Variants in SIPA1L3 observed in about 807,000 individuals in gnomAD.
The protein encoded by SIPA1L3 is signal-induced proliferation-associated 1-like protein 3.
SIPA1L3 carries 59 observed loss-of-function variants against 150.1 expected under a neutral mutation model. The ratio of observed to expected loss-of-function variants is 0.39; its 90% CI spans 0.32 to 0.49. The LOEUF (loss-of-function observed/expected upper bound fraction) is 0.49, where lower values mean the gene tolerates loss of function less well. SIPA1L3 is among the 20% of genes least tolerant of loss of function. The pLI, the probability that SIPA1L3 is intolerant of heterozygous loss-of-function variation, is 0.86. For missense variants in SIPA1L3, 2,211 were observed against 2,489.5 expected (o/e 0.89, Z 2.38); for synonymous variants, 1,070 against 1,077.6 (o/e 0.99, Z 0.14).
At chr19:37,950,142 C>T (rs2046750305) in intron 1 of SIPA1L3, among the ~76,000 whole-genome samples, 1 of 150,144 alleles carries the variant, frequency 6.7e-6, no homozygotes, top group Non-Finnish European at 1.5e-5. Flanking sequence ...CTGCCACTTG[C>T]TAGCTGTGTG....
intron 4 of SIPA1L3, among the ~76,000 whole-genome samples, chr19:38,099,194 C>A (rs778343045): frequency 7.2e-5 from 11 of 152,094 alleles, no homozygotes; most frequent in South Asian, 2.1e-4. Context: ...TGCCACCATG[C>A]CTGGCTAATT....
chr19:37,913,475 A>G (rs1385474517), intron 1 of SIPA1L3, among the ~76,000 whole-genome samples: 2 of 152,106 alleles, frequency 1.3e-5, no homozygotes. Flanking sequence ...AGCTCACTGC[A>G]ACCACTGCCT....
At chr19:38,079,846 G>A (rs866742838) in intron 2 of SIPA1L3, among the ~76,000 whole-genome samples, 1 of 152,108 alleles carries the variant, frequency 6.6e-6, no homozygotes, top group African/African-American at 2.4e-5. Flanking sequence ...GTGAGCCACC[G>A]TGCCCAGCCG....
chr19:38,140,397 CT>C (rs200086221), intron 10 of SIPA1L3, among the ~76,000 whole-genome samples: 29,212 of 146,870 alleles, frequency 0.2, 2,874 homozygotes, highest in South Asian at 0.25. Flanking sequence ...GATTTCATGG[CT>C]TTTTTTTTTT....
intron 2 of SIPA1L3, among the ~76,000 whole-genome samples, chr19:38,050,777 C>T (rs537589473): frequency 1.1e-3 from 168 of 151,352 alleles, no homozygotes; most frequent in African/African-American, 3.9e-3. Context: ...ATGATGTGTG[C>T]GCTGGGCATG....
intron 4 of SIPA1L3, among the ~76,000 whole-genome samples, chr19:38,099,122 G>A (rs564741704): frequency 2.6e-5 from 4 of 152,054 alleles, no homozygotes; most frequent in South Asian, 2.1e-4. Context: ...TGCAACCTCC[G>A]CCTCCTGGGT....
chr19:37,988,169 G>A (rs1281616135), intron 1 of SIPA1L3, among the ~76,000 whole-genome samples: 1 of 152,084 alleles, frequency 6.6e-6, no homozygotes, highest in Non-Finnish European at 1.5e-5. Flanking sequence ...CTGAGGTCAC[G>A]GCCCTCCCCT....
chr19:38,010,355 C>A (rs1968067834), intron 1 of SIPA1L3, among the ~76,000 whole-genome samples: 1 of 151,192 alleles, frequency 6.6e-6, no homozygotes, highest in Non-Finnish European at 1.5e-5. Context: ...CTATAGTAAG[C>A]TAAAATCAAG....
At chr19:38,091,878 C>G (rs1037949170) in intron 4 of SIPA1L3, among the ~76,000 whole-genome samples, 1 of 151,470 alleles carries the variant, frequency 6.6e-6, no homozygotes, top group South Asian at 2.1e-4. Context: ...GCCAACATGG[C>G]GAAACCCTGT....
intron 1 of SIPA1L3, among the ~76,000 whole-genome samples, chr19:37,968,038 C>T (rs2046920010): frequency 8.9e-6 from 1 of 112,442 alleles, no homozygotes; most frequent in African/African-American, 3.8e-5. Context: ...ATGTTAGTTT[C>T]ATTAATGGGT....
intron 10 of SIPA1L3, among the ~76,000 whole-genome samples, chr19:38,131,020 G>A (rs1443338754): frequency 6.6e-6 from 1 of 152,184 alleles, no homozygotes; most frequent in Non-Finnish European, 1.5e-5. Context: ...CCCTGTGAGG[G>A]GAGAGCCTCA....
intron 1 of SIPA1L3, among the ~76,000 whole-genome samples, chr19:37,992,065 G>T (rs190104648): frequency 2.6e-5 from 4 of 152,256 alleles, no homozygotes; most frequent in African/African-American, 9.6e-5. Context: ...AGGCATCCAC[G>T]TGGCTAGAGG....
At chr19:37,968,450 G>A (rs1410082061) in intron 1 of SIPA1L3, among the ~76,000 whole-genome samples, 2 of 152,086 alleles carry the variant, frequency 1.3e-5, no homozygotes, top group African/African-American at 2.4e-5. Flanking sequence ...TCCATTTCTG[G>A]TTTTCATTCC....
chr19:37,938,028 C>G (rs1414611624), intron 1 of SIPA1L3, among the ~76,000 whole-genome samples: 1 of 151,994 alleles, frequency 6.6e-6, no homozygotes, highest in Non-Finnish European at 1.5e-5. Context: ...GCCTGGGCGA[C>G]AGAGCAAGAC....
At chr19:38,153,067 G>A (rs992864399) in intron 13 of SIPA1L3, 100 bp downstream of exon 13, 18 of 1,418,824 alleles carry the variant, frequency 1.3e-5, no homozygotes, top group South Asian at 2.8e-5. Flanking sequence ...TGTGAGTGAC[G>A]GATAAAACAC....
rs1972151350 is a variant in SIPA1L3 at position 38,164,076 on chromosome 19, G to A, written c.3781-403G>A. On this transcript the variant is annotated intron_variant, in intron 14 of 21. Transcript: ENST00000222345. The surrounding 1 kb of genome is among the most constrained non-coding windows in gnomAD (Gnocchi z 4.1). ...GGGCAGCAGGGTTTGCTAGTGGGCTGGACATGAGTGAGAGCAAAAGCGGGG... is the reference window on the plus strand; with the variant it reads ...GGGCAGCAGGGTTTGCTAGTGGGCTAGACATGAGTGAGAGCAAAAGCGGGG... Among the ~76,000 whole-genome samples, 1 of 152,182 alleles carries A rather than the reference G, an allele frequency of 6.6e-6. No individual in the cohort carries two copies. The highest frequency in any genetic ancestry group is 1.5e-5 in the Non-Finnish European group (1 of 68,024).
chr19:38,169,645 G>A (rs79005636), intron 15 of SIPA1L3, among the ~76,000 whole-genome samples: 23 of 152,358 alleles, frequency 1.5e-4, no homozygotes, highest in Non-Finnish European at 3.4e-4. Context: ...GTATGAGGGT[G>A]TATTTGAAAA....
chr19:38,197,501 G>A (rs1025631887), intron 18 of SIPA1L3, among the ~76,000 whole-genome samples: 8 of 151,494 alleles, frequency 5.3e-5, no homozygotes, highest in Non-Finnish European at 1.0e-4. Context: ...ACCCCACCCC[G>A]TGTAAACACT....
intron 2 of SIPA1L3, among the ~76,000 whole-genome samples, chr19:38,068,070 T>G (rs1214907987): frequency 6.7e-6 from 1 of 150,128 alleles, no homozygotes; most frequent in African/African-American, 2.5e-5. Context: ...TTGCCCAGGC[T>G]GGAGTGCAGT....
Sources: gnomAD v4.1 joint callset for allele counts (sites outside exome capture counted in the v4.1 genomes callset) on GRCh38, gnomAD v4.1.1 for gene constraint, Gnocchi (gnomAD v3.1) non-coding constraint, MANE v1.5 for transcripts, NCBI Gene and HGNC (gene_info 2026-07-23, HGNC 2026-07-21) for gene names.